Variants in ANKS1B observed in about 807,000 individuals in gnomAD.
ANKS1B encodes the protein ankyrin repeat and sterile alpha motif domain-containing protein 1B.
In ANKS1B, 36 loss-of-function variants were observed where a neutral mutation model predicts 148.3. That is an observed-to-expected ratio of 0.24 (90% CI 0.19 to 0.32). ANKS1B has a LOEUF of 0.32. ANKS1B is among the 10% of genes least tolerant of loss of function. The pLI, the probability that ANKS1B is intolerant of heterozygous loss-of-function variation, is 1.00. For missense variants in ANKS1B, 1,157 were observed against 1,542.6 expected (o/e 0.75, Z 4.19); for synonymous variants, 542 against 560.8 (o/e 0.97, Z 0.47).
intron 1 of ANKS1B, among the ~76,000 whole-genome samples, chr12:99,948,754 A>T (rs190460865): frequency 1.7e-3 from 256 of 152,378 alleles, no homozygotes; most frequent in African/African-American, 5.7e-3. Context: ...ACGATGTAAC[A>T]GAGATTAGGA....
intron 9 of ANKS1B, among the ~76,000 whole-genome samples, chr12:99,615,671 C>T (rs940611919): frequency 6.6e-6 from 1 of 152,080 alleles, no homozygotes; most frequent in Non-Finnish European, 1.5e-5. Flanking sequence ...TTATGACAAA[C>T]CCATAGCCAA....
At chr12:99,801,398 G>A (rs2066936753) in intron 4 of ANKS1B, among the ~76,000 whole-genome samples, 1 of 152,186 alleles carries the variant, frequency 6.6e-6, no homozygotes, top group African/African-American at 2.4e-5. Context: ...GTTCAAAGAA[G>A]AGACAGATAC....
chr12:99,361,760 A>T (rs552732442), intron 12 of ANKS1B, among the ~76,000 whole-genome samples: 35 of 152,062 alleles, frequency 2.3e-4, no homozygotes, highest in Non-Finnish European at 4.6e-4. Context: ...TCACATAATC[A>T]TTGGGATAAC....
At chr12:98,749,607 C>T (rs1005222288) in intron 26 of ANKS1B, among the ~76,000 whole-genome samples, 5 of 152,000 alleles carry the variant, frequency 3.3e-5, no homozygotes. Flanking sequence ...ATGCAGAAAC[C>T]GGGGGAGGAT....
intron 14 of ANKS1B, among the ~76,000 whole-genome samples, chr12:99,163,441 T>G (rs1490279667): frequency 6.6e-6 from 1 of 151,254 alleles, no homozygotes; most frequent in Non-Finnish European, 1.5e-5. Context: ...TGACCCTGTT[T>G]ATATGTCCTG....
rs1049478542 is a variant in ANKS1B, at chr12:98,745,624, C to G, written c.*115G>C. The G allele has an allele frequency of 9.5e-6, 14 of 1,469,026 alleles. No individual in the cohort carries two copies. The African/African-American group carries it at 2.0e-4, about 21-fold the overall frequency. The allele number at this position is 1,469,026 out of a possible 1,614,324, so 91.0% of individuals were successfully genotyped here. On this transcript the variant is annotated 3_prime_UTR_variant, in exon 27 of 27. Coordinates refer to ENST00000683438, the MANE Select transcript of ANKS1B (RefSeq NM_001352186.2). The stretch of plus-strand genomic sequence containing the variant: ...AGTGGCCTTTCGCCCGTAACAAGGC[C>G]GCACGCTCAGAGCAGTCTTCCTCCT...
chr12:99,097,301 C>A (rs1206379646), intron 15 of ANKS1B: 1 of 152,008 alleles, frequency 6.6e-6, no homozygotes, highest in African/African-American at 2.4e-5. Context: ...CACCATAACA[C>A]CAAAATGTTC....
intron 17 of ANKS1B, among the ~76,000 whole-genome samples, chr12:98,900,509 G>A (rs2099770538): frequency 6.6e-6 from 1 of 152,148 alleles, no homozygotes; most frequent in African/African-American, 2.4e-5. Flanking sequence ...AAATATCTCA[G>A]ATGAGTAAAC....
At chr12:99,586,905 T>C (rs141792468) in intron 9 of ANKS1B, among the ~76,000 whole-genome samples, 1 of 152,088 alleles carries the variant, frequency 6.6e-6, no homozygotes, top group Admixed American at 6.6e-5. Context: ...TAACCTCCCA[T>C]TGGGTACCTT....
At chr12:99,179,951 C>T (rs930258738) in intron 14 of ANKS1B, among the ~76,000 whole-genome samples, 8 of 152,130 alleles carry the variant, frequency 5.3e-5, no homozygotes, top group African/African-American at 1.7e-4. Flanking sequence ...TATAATAAAC[C>T]CTAGGCTGTA....
intron 8 of ANKS1B, among the ~76,000 whole-genome samples, chr12:99,761,951 A>G (rs911812597): frequency 1.3e-5 from 2 of 151,984 alleles, no homozygotes; most frequent in African/African-American, 4.8e-5. Flanking sequence ...TACAATAAAC[A>G]CACAAAAAAC....
chr12:99,729,181 A>G (rs2058899742), intron 8 of ANKS1B, among the ~76,000 whole-genome samples: 1 of 152,190 alleles, frequency 6.6e-6, no homozygotes, highest in Non-Finnish European at 1.5e-5. Flanking sequence ...AGAAGTTTTT[A>G]TTCATCTTTC....
At chr12:99,704,306 T>C (rs1227432935) in intron 8 of ANKS1B, among the ~76,000 whole-genome samples, 1 of 151,938 alleles carries the variant, frequency 6.6e-6, no homozygotes, top group African/African-American at 2.4e-5. Context: ...TTTCTGAGAA[T>C]GCAATGAGGA....
intron 10 of ANKS1B, among the ~76,000 whole-genome samples, chr12:99,477,473 TC>T (rs201155407): frequency 0.025 from 3,814 of 152,258 alleles, 78 homozygotes; most frequent in South Asian, 0.08. Context: ...GTCAGCCTAC[TC>T]TAGAGCCAGA....
intron 4 of ANKS1B, among the ~76,000 whole-genome samples, chr12:99,805,282 A>AAAAAAAAAAAAAAAC (rs2067485564): frequency 6.7e-6 from 1 of 148,302 alleles, no homozygotes; most frequent in African/African-American, 2.5e-5. Context: ...AAAAAAAAAA[A>AAAAAAAAAAAAAAAC]AAAAAAGACT....
chr12:99,511,899 T>C (rs1011764026), intron 9 of ANKS1B, among the ~76,000 whole-genome samples: 4 of 152,024 alleles, frequency 2.6e-5, no homozygotes, highest in African/African-American at 2.4e-5. Context: ...CTACACCTTA[T>C]ACAAAAATTA....
chr12:99,789,436 T>C (rs552600347), intron 4 of ANKS1B, among the ~76,000 whole-genome samples: 1 of 152,146 alleles, frequency 6.6e-6, no homozygotes, highest in African/African-American at 2.4e-5. Context: ...CAAGAAAACA[T>C]GACCTCACCG....
chr12:99,215,081 T>A (rs550740374), intron 14 of ANKS1B, among the ~76,000 whole-genome samples: 1 of 152,342 alleles, frequency 6.6e-6, no homozygotes, highest in Admixed American at 6.5e-5. Flanking sequence ...GTTTTATTCA[T>A]TCACAAAGAT....
intron 10 of ANKS1B, among the ~76,000 whole-genome samples, chr12:99,459,424 G>T (rs898785094): frequency 2.6e-5 from 4 of 151,880 alleles, no homozygotes; most frequent in Non-Finnish European, 4.4e-5. Flanking sequence ...TCAGATAAAA[G>T]AAAGAAATAA....
Sources: gnomAD v4.1 joint callset for allele counts (sites outside exome capture counted in the v4.1 genomes callset) on GRCh38, gnomAD v4.1.1 for gene constraint, MANE v1.5 for transcripts, NCBI Gene and HGNC (gene_info 2026-07-23, HGNC 2026-07-21) for gene names.